KAT7: variants seen among roughly 807,000 people sequenced by gnomAD.
The protein encoded by KAT7 is lysine acetyltransferase 7.
Under a neutral mutation model 82.1 loss-of-function variants are expected in KAT7, and 10 were observed. The observed-to-expected ratio is 0.12, with a 90% CI of 0.08 to 0.21. KAT7 has a LOEUF of 0.21. KAT7 is among the 10% of genes least tolerant of loss of function. KAT7 has a pLI of 1.00. For synonymous variants in KAT7, 250 were observed against 262.5 expected, an observed-to-expected ratio of 0.95 and a Z score of 0.46; for missense variants, 378 against 760.9, an observed-to-expected ratio of 0.50 and a Z score of 5.92.
At chr17:49,791,025 T>C (rs754428455) in intron 1 of KAT7, among the ~76,000 whole-genome samples, 7 of 152,246 alleles carry the variant, frequency 4.6e-5, no homozygotes, top group Non-Finnish European at 8.8e-5. Flanking sequence ...TGAAAACAAC[T>C]GTTTTTGAAT....
At chr17:49,813,474 T>C (rs2074195842) in intron 7 of KAT7, among the ~76,000 whole-genome samples, 1 of 152,212 alleles carries the variant, frequency 6.6e-6, no homozygotes, top group South Asian at 2.1e-4. Context: ...GGCATGTGAA[T>C]ACTTAGTCAG....
In KAT7 at chr17:49,830,802, C is replaced by G. The variant is rs1445482324; in HGVS notation, c.*3300C>G. On this transcript the variant is annotated 3_prime_UTR_variant, in exon 15 of 15. Coordinates refer to ENST00000259021, the MANE Select transcript of KAT7 (RefSeq NM_007067.5). The stretch of plus-strand genomic sequence containing the variant: ...CCCTCCCCTCTACCGTTTTCTTCCA[C>G]TATTTTTGATTCCTTAATGATGAAT... 1 of 152,196 alleles carries G rather than the reference C, an allele frequency of 6.6e-6. No homozygotes were observed. The highest frequency in any genetic ancestry group is 1.5e-5 in the Non-Finnish European group (1 of 68,044). The allele number at this position is 152,196 out of a possible 1,614,324, so 9.4% of individuals were successfully genotyped here. A position where few individuals can be genotyped will look rare whatever the true frequency, so the allele number is the denominator to read the frequency against.
chr17:49,808,098 T>C (rs2074113928), intron 5 of KAT7, among the ~76,000 whole-genome samples: 1 of 150,994 alleles, frequency 6.6e-6, no homozygotes, highest in Non-Finnish European at 1.5e-5. Context: ...TAAGTTTCCC[T>C]GGAGACTTGA....
At position 49,833,815 on chromosome 17, in the gene KAT7, T is replaced by A. The variant is rs1188454816; in HGVS notation, c.*6313T>A. On this transcript the variant is annotated 3_prime_UTR_variant, in exon 15 of 15. Transcript: ENST00000259021. Reference sequence around the variant, plus strand: ...CCAGAGAATTATGAGAATACTGTTTTAACCACACGTTTTGGAATGGTTTGA... The same window carrying A: ...CCAGAGAATTATGAGAATACTGTTTAAACCACACGTTTTGGAATGGTTTGA... The A allele has an allele frequency of 4.6e-5, 7 of 152,246 alleles. No homozygotes were observed. The highest frequency in any genetic ancestry group is 8.8e-5 in the Non-Finnish European group (6 of 68,052). 9.4% of individuals were successfully genotyped at this position (152,246 alleles called of 1,614,324 possible).
chr17:49,819,112 A>T (rs1279064791), intron 9 of KAT7, among the ~76,000 whole-genome samples: 2 of 151,532 alleles, frequency 1.3e-5, no homozygotes, highest in Non-Finnish European at 2.9e-5. Context: ...TTCCTTTTTT[A>T]TTTCCCAGGA....
At chr17:49,801,383 G>A (rs2074022831) in intron 4 of KAT7, among the ~76,000 whole-genome samples, 1 of 152,042 alleles carries the variant, frequency 6.6e-6, no homozygotes, top group South Asian at 2.1e-4. Flanking sequence ...ACAGGGCTTT[G>A]TCATGTTGGC....
At chr17:49,804,046 T>C (rs1314556667) in intron 4 of KAT7, among the ~76,000 whole-genome samples, 1 of 152,134 alleles carries the variant, frequency 6.6e-6, no homozygotes, top group East Asian at 1.9e-4. Context: ...AAGGAAATAA[T>C]GTTCAATTCC....
At chr17:49,811,828 AT>A (rs2074169595) in intron 7 of KAT7, among the ~76,000 whole-genome samples, 1 of 152,248 alleles carries the variant, frequency 6.6e-6, no homozygotes, top group Non-Finnish European at 1.5e-5. Flanking sequence ...CTAGTTGTTC[AT>A]AAATTTTACT....
chr17:49,817,857 G>A lies in KAT7; in HGVS notation c.1001G>A (p.Ser334Asn), dbSNP rs1169060646. The change falls in exon 9 of 15, where the codon AGC becomes AAC. Residue 334 changes from serine (S) to asparagine (N), a missense_variant. Physicochemically the swap from Ser to Asn is conservative, Grantham distance 46. Coordinates refer to ENST00000259021, the MANE Select transcript of KAT7 (RefSeq NM_007067.5). ...CTGCAAGGCCAAATCACAGAGGGAA[G>A]CAACATGATTAAAACAATTGCTTTT... The part of the protein sequence containing the change: ...LRLQGQITEG[S>N]NMIKTIAFGR... 4 of 1,612,684 alleles carry A rather than the reference G, an allele frequency of 2.5e-6. No homozygotes were observed. Among genetic ancestry groups the A allele is most frequent in the Non-Finnish European group, 3.4e-6 (4 of 1,179,836 alleles).
intron 9 of KAT7, 55 bp downstream of exon 9, chr17:49,818,066 C>A: frequency 6.8e-7 from 1 of 1,467,640 alleles, no homozygotes; most frequent in Non-Finnish European, 9.5e-7. Context: ...GCTGTAGGAT[C>A]TCTAGATTTT....
intron 7 of KAT7, among the ~76,000 whole-genome samples, chr17:49,812,116 TAA>T (rs995142791): frequency 1.3e-5 from 2 of 152,122 alleles, no homozygotes; most frequent in Non-Finnish European, 1.5e-5. Context: ...TCCTACTACC[TAA>T]AAATAGCCAC....
At chr17:49,802,408 A>G (rs547898858) in intron 4 of KAT7, among the ~76,000 whole-genome samples, 1 of 152,130 alleles carries the variant, frequency 6.6e-6, no homozygotes, top group African/African-American at 2.4e-5. Context: ...TGGCTCATGC[A>G]TGTAATCCCA....
chr17:49,814,368 C>G (rs1420247540), intron 7 of KAT7, among the ~76,000 whole-genome samples: 1 of 152,192 alleles, frequency 6.6e-6, no homozygotes, highest in Non-Finnish European at 1.5e-5. Context: ...AGATTGTTTG[C>G]TTGCCCCAGT....
rs1167683610 is a variant in KAT7 at position 49,830,398 on chromosome 17, A to G, written c.*2896A>G. On this transcript the variant is annotated 3_prime_UTR_variant, in exon 15 of 15. Transcript: ENST00000259021. ...GAGACAGGGTTTTGCCATGTTGGCC[A>G]GGCCAGTCTCAAACTCTTGACCTCA... 6.6e-6 allele frequency: 1 copy of G among 151,070 alleles called. No homozygotes were observed. The highest frequency in any genetic ancestry group is 1.5e-5 in the Non-Finnish European group (1 of 67,846). 9.4% of individuals were successfully genotyped at this position (151,070 alleles called of 1,614,324 possible). A position where few individuals can be genotyped will look rare whatever the true frequency, so the allele number is the denominator to read the frequency against.
intron 4 of KAT7, among the ~76,000 whole-genome samples, chr17:49,802,333 T>G (rs1031494551): frequency 6.6e-6 from 1 of 152,134 alleles, no homozygotes; most frequent in African/African-American, 2.4e-5. Context: ...TTGGTTTTAT[T>G]TAACATATAA....
chr17:49,828,983 A>G lies in KAT7; in HGVS notation c.*1481A>G, dbSNP rs1321958549. 2 of 152,738 alleles carry G rather than the reference A, an allele frequency of 1.3e-5. No homozygotes were observed. Among genetic ancestry groups the G allele is most frequent in the East Asian group, 3.8e-4 (2 of 5,202 alleles). The allele number at this position is 152,738 out of a possible 1,614,324, so 9.5% of individuals were successfully genotyped here. ...TTAAAATTTATCAAAAAGCAACTTC[A>G]CTAGGGGTTTTCTTAAGGGATAAAG... On this transcript the variant is annotated 3_prime_UTR_variant, in exon 15 of 15. Transcript: ENST00000259021.
intron 2 of KAT7, among the ~76,000 whole-genome samples, chr17:49,794,838 A>G (rs2073934951): frequency 6.6e-6 from 1 of 152,208 alleles, no homozygotes; most frequent in Non-Finnish European, 1.5e-5. Context: ...ACCATTTACA[A>G]TGTCAGCAAT....
At chr17:49,822,606 T>C (rs1484438083) in intron 11 of KAT7, among the ~76,000 whole-genome samples, 1 of 152,198 alleles carries the variant, frequency 6.6e-6, no homozygotes, top group South Asian at 2.1e-4. Context: ...ATTCACGCAC[T>C]GAAAGGGTAC....
intron 3 of KAT7, 108 bp from the exon 4 acceptor site, chr17:49,798,211 A>G (rs928111899): frequency 3.1e-6 from 3 of 982,478 alleles, no homozygotes; most frequent in Non-Finnish European, 4.5e-6. Context: ...GCTGAAAGTT[A>G]CTGGTTAAAT....
Sources: gnomAD v4.1 joint callset for allele counts (sites outside exome capture counted in the v4.1 genomes callset) on GRCh38, gnomAD v4.1.1 for gene constraint, MANE v1.5 for transcripts, NCBI Gene and HGNC (gene_info 2026-07-23, HGNC 2026-07-21) for gene names.